EFCAB6: variants seen among roughly 807,000 people sequenced by gnomAD.
EFCAB6 encodes the protein EF-hand calcium-binding domain-containing protein 6.
In EFCAB6, 156 loss-of-function variants were observed where a neutral mutation model predicts 169.8. The observed-to-expected ratio is 0.92, with a 90% confidence interval of 0.81 to 1.05. The LOEUF (loss-of-function observed/expected upper bound fraction) is 1.05, where lower values mean the gene tolerates loss of function less well. Among genes scored for constraint, EFCAB6 ranks in the 50% least tolerant of loss-of-function variants. EFCAB6 has a pLI of 0.00. For synonymous variants in EFCAB6, 698 were observed against 676.4 expected (o/e 1.03, Z -0.50); for missense variants, 1,800 against 1,829.1 (o/e 0.98, Z 0.29).
chr22:43,670,893 A>AGCGGCAGCAG (rs1569353565), intron 15 of EFCAB6, among the ~76,000 whole-genome samples: 1 of 152,052 alleles, frequency 6.6e-6, no homozygotes, highest in African/African-American at 2.4e-5. Flanking sequence ...AGCGGCAGCA[A>AGCGGCAGCAG]CAAACACTGG....
chr22:43,530,811 T>C lies in EFCAB6; in HGVS notation c.4383+4A>G, dbSNP rs764067760. 1.9e-6 allele frequency: 3 copies of C among 1,613,446 alleles called. No individual in the cohort carries two copies. Among genetic ancestry groups the C allele is most frequent in the Non-Finnish European group, 2.5e-6 (3 of 1,180,046 alleles). ...AGAGGCACTGGGCGCAGAGCTGTGC[T>C]CACCGTCCTGAAATCTGCGACGCTT... On this transcript the variant is annotated splice_donor_region_variant and intron_variant, in intron 31 of 31. Transcript: ENST00000262726.
intron 23 of EFCAB6, among the ~76,000 whole-genome samples, chr22:43,593,890 G>A (rs551128151): frequency 3.9e-5 from 6 of 152,308 alleles, no homozygotes; most frequent in South Asian, 2.1e-4. Context: ...GATGGGAGAC[G>A]AAGGATTGAG....
In EFCAB6 at chr22:43,677,957, T is replaced by G. The variant is rs2057836699; in HGVS notation, c.1419+39A>C. ...TTAGGAATACTGAAATTTCCCAACATAAAGAGAAAACCAAACAGGAAGTTG... is the reference window on the plus strand; with the variant it reads ...TTAGGAATACTGAAATTTCCCAACAGAAAGAGAAAACCAAACAGGAAGTTG... On this transcript the variant is annotated intron_variant, in intron 13 of 31. Coordinates refer to ENST00000262726, the MANE Select transcript of EFCAB6 (RefSeq NM_022785.4). 1.9e-6 allele frequency: 3 copies of G among 1,582,688 alleles called. No homozygotes were observed. In the East Asian group the frequency reaches 6.8e-5, roughly 36 times the overall value.
chr22:43,638,353 C>T (rs894371924), intron 17 of EFCAB6, among the ~76,000 whole-genome samples: 1 of 152,166 alleles, frequency 6.6e-6, no homozygotes, highest in Non-Finnish European at 1.5e-5. Flanking sequence ...GAGGCATTCC[C>T]CTAAGAAAGT....
At chr22:43,592,608 A>G (rs1370076984) in intron 23 of EFCAB6, among the ~76,000 whole-genome samples, 1 of 152,166 alleles carries the variant, frequency 6.6e-6, no homozygotes, top group African/African-American at 2.4e-5. Flanking sequence ...CCAAACAGAA[A>G]CGGTGTCAGC....
intron 5 of EFCAB6, among the ~76,000 whole-genome samples, 199 bp from the exon 6 acceptor site, chr22:43,756,031 A>C (rs897710601): frequency 6.6e-6 from 1 of 152,164 alleles, no homozygotes; most frequent in Non-Finnish European, 1.5e-5. Flanking sequence ...TCATCCATAA[A>C]ATGAAATATA....
chr22:43,800,994 C>A (rs2062690164), intron 2 of EFCAB6, among the ~76,000 whole-genome samples: 1 of 151,958 alleles, frequency 6.6e-6, no homozygotes. Context: ...GGTCAGAGAA[C>A]AAACAGATTT....
rs575862618 is a variant in EFCAB6, at chr22:43,537,195, G to A, written c.4048+182C>T. 197 of 664,970 alleles carry A rather than the reference G, an allele frequency of 3.0e-4. No individual in the cohort carries two copies. The highest frequency in any genetic ancestry group is 2.6e-3 in the African/African-American group (146 of 55,870). The allele number at this position is 664,970 out of a possible 1,614,324, so 41.2% of individuals were successfully genotyped here. On this transcript the variant is annotated intron_variant, in intron 29 of 31. Coordinates refer to ENST00000262726, the MANE Select transcript of EFCAB6 (RefSeq NM_022785.4). The surrounding 1 kb of genome is among the most constrained non-coding windows in gnomAD (Gnocchi z 4.3). The stretch of plus-strand genomic sequence containing the variant: ...CCCCTGCTGGGAGGGCCGGGTAGTC[G>A]GAATCCTCCTCCATGGGGACCTTTG...
chr22:43,618,171 A>G (rs1258589545), intron 20 of EFCAB6, among the ~76,000 whole-genome samples: 11 of 100,194 alleles, frequency 1.1e-4, no homozygotes, highest in African/African-American at 1.6e-4. Flanking sequence ...GGAAGGAAAG[A>G]AAGAAAGAAA....
intron 9 of EFCAB6, among the ~76,000 whole-genome samples, chr22:43,716,387 C>G (rs1014940421): frequency 6.6e-6 from 1 of 152,002 alleles, no homozygotes; most frequent in South Asian, 2.1e-4. Flanking sequence ...TGCACCAATG[C>G]CATATTGTCT....
intron 3 of EFCAB6, among the ~76,000 whole-genome samples, chr22:43,779,361 C>A (rs1297265791): frequency 6.6e-6 from 1 of 152,054 alleles, no homozygotes; most frequent in African/African-American, 2.4e-5. Context: ...GTTGTGCATG[C>A]GTGAAAAAGA....
At chr22:43,673,079 T>C (rs1411863002) in intron 13 of EFCAB6, among the ~76,000 whole-genome samples, 1 of 152,216 alleles carries the variant, frequency 6.6e-6, no homozygotes, top group African/African-American at 2.4e-5. Context: ...GAGTGTAAAC[T>C]GATCTAACTT....
chr22:43,632,033 C>T, intron 19 of EFCAB6, 72 bp downstream of exon 19: 1 of 1,569,808 alleles, frequency 6.4e-7, no homozygotes. Context: ...CCAGGACTCA[C>T]ACCCACTTGG....
chr22:43,806,243 G>C (rs2062918064), intron 2 of EFCAB6, among the ~76,000 whole-genome samples: 2 of 151,870 alleles, frequency 1.3e-5, no homozygotes, highest in African/African-American at 4.8e-5. Context: ...TGCTTCTCCA[G>C]GGCATAAAGA....
At chr22:43,675,502 TTAATA>T (rs1046285267) in intron 13 of EFCAB6, among the ~76,000 whole-genome samples, 50 of 140,774 alleles carry the variant, frequency 3.6e-4, no homozygotes, top group African/African-American at 1.2e-3. Context: ...AATATAGGAT[TTAATA>T]TAATATAGGA....
chr22:43,779,775 C>T (rs2061754816), intron 3 of EFCAB6, among the ~76,000 whole-genome samples: 1 of 151,934 alleles, frequency 6.6e-6, no homozygotes, highest in Admixed American at 6.6e-5. Context: ...AAAAAAAACA[C>T]TCCAGTGCAC....
intron 8 of EFCAB6, among the ~76,000 whole-genome samples, chr22:43,725,952 T>C (rs1349292722): frequency 3.3e-5 from 5 of 152,148 alleles, no homozygotes; most frequent in Non-Finnish European, 5.9e-5. Context: ...GAATGCAGGA[T>C]AGAAGACAGA....
At position 43,667,169 on chromosome 22, in the gene EFCAB6, T is replaced by G. The variant is rs780545789; in HGVS notation, c.1918A>C (p.Lys640Gln). The G allele has an allele frequency of 1.2e-6, 2 of 1,614,180 alleles. No homozygotes were observed. Among genetic ancestry groups the G allele is most frequent in the Non-Finnish European group, 1.7e-6 (2 of 1,180,024 alleles). The change falls in exon 17 of 32, where the codon AAA becomes CAA. Residue 640 changes from lysine to glutamine, a missense_variant. Transcript: ENST00000262726. ...KCIQQQDPAFKKRFLDFSKEP... is the reference protein window; with the variant it reads ...KCIQQQDPAFQKRFLDFSKEP... ...TTGCTGAAGTCAAGAAATCGTTTTTTGAATGCCGGGTCCTGCTGCTGTATA... is the reference window on the plus strand; with the variant it reads ...TTGCTGAAGTCAAGAAATCGTTTTTGGAATGCCGGGTCCTGCTGCTGTATA...
intron 2 of EFCAB6, among the ~76,000 whole-genome samples, chr22:43,792,325 G>A (rs2062326371): frequency 6.6e-6 from 1 of 152,134 alleles, no homozygotes; most frequent in Admixed American, 6.5e-5. Flanking sequence ...AGCACAGGTA[G>A]GCAAAAAGTT....
Sources: allele counts gnomAD v4.1 joint callset (sites outside exome capture counted in the v4.1 genomes callset), GRCh38; gene constraint gnomAD v4.1.1; non-coding constraint Gnocchi (gnomAD v3.1); transcripts MANE v1.5; gene names NCBI Gene and HGNC (gene_info 2026-07-23, HGNC 2026-07-21).